CDC14A: variants seen among roughly 807,000 people sequenced by gnomAD.
CDC14A encodes dual specificity protein phosphatase CDC14A.
CDC14A carries 53 observed loss-of-function variants against 74.4 expected under a neutral mutation model. That is an observed-to-expected ratio of 0.71 (90% CI 0.57 to 0.89). The LOEUF (loss-of-function observed/expected upper bound fraction) is 0.89. Among genes scored for constraint, CDC14A ranks in the 40% least tolerant of loss-of-function variants. The pLI is 0.00. For synonymous variants in CDC14A, 247 were observed against 258.4 expected (o/e 0.96, Z 0.43); for missense variants, 646 against 713.7 (o/e 0.91, Z 1.08).
At chr1:100,482,898 C>T (rs1481318059) in intron 10 of CDC14A, among the ~76,000 whole-genome samples, 1 of 152,076 alleles carries the variant, frequency 6.6e-6, no homozygotes, top group African/African-American at 2.4e-5. Context: ...GAGGCTCCAT[C>T]CGTGTTCCCA....
rs1322794854 is a variant in CDC14A, at chr1:100,389,355, G to A, written c.217-1377G>A. Among the ~76,000 whole-genome samples, 2 of 151,512 alleles carry A rather than the reference G, an allele frequency of 1.3e-5. 1 individual carries two copies. Among genetic ancestry groups the A allele is most frequent in the Non-Finnish European group, 2.9e-5 (2 of 67,908 alleles). ...TGCCTGTAGTCCCAGCTGCATGGGA[G>A]GCAAGAGAATGGCTTGAACCTGGGA... On this transcript the variant is annotated intron_variant, in intron 3 of 15. Transcript: ENST00000336454.
chr1:100,392,569 T>TATG (rs1158209166), intron 4 of CDC14A, among the ~76,000 whole-genome samples: 5 of 152,166 alleles, frequency 3.3e-5, no homozygotes, highest in African/African-American at 1.2e-4. Flanking sequence ...AGCAGTTATC[T>TATG]ATGATGATGA....
At chr1:100,378,571 A>C (rs1453151904) in intron 3 of CDC14A, among the ~76,000 whole-genome samples, 1 of 152,194 alleles carries the variant, frequency 6.6e-6, no homozygotes. Context: ...CTGATAGAGA[A>C]TTTCCTGTAG....
intron 6 of CDC14A, among the ~76,000 whole-genome samples, chr1:100,442,214 C>G (rs1020532795): frequency 6.7e-6 from 1 of 148,776 alleles, no homozygotes; most frequent in Non-Finnish European, 1.5e-5. Context: ...CAGAAACTAT[C>G]TCATGAAACA....
At chr1:100,509,642 A>C (rs1009414751) in intron 15 of CDC14A, among the ~76,000 whole-genome samples, 1 of 152,268 alleles carries the variant, frequency 6.6e-6, no homozygotes, top group Admixed American at 6.5e-5. Context: ...ATGTGCATGC[A>C]TGTGCAAAGA....
Position 100,433,757 on chromosome 1 carries a change from TTCA to T in CDC14A, c.390-6173_390-6171del, listed in dbSNP as rs1395862673. ...CCATTATTAATATTTATAAGGTTGC[TTCA>T]TTCTGAGTGATTTCTTAGATTCTCA... On this transcript the variant is annotated intron_variant, in intron 5 of 15. Transcript: ENST00000336454. Among the ~76,000 whole-genome samples the T allele has an allele frequency of 2.0e-5, 3 of 152,342 alleles. No individual in the cohort carries two copies. The East Asian group carries it at 5.8e-4, about 29-fold the overall frequency.
chr1:100,435,736 A>G (rs1419376505), intron 5 of CDC14A, among the ~76,000 whole-genome samples: 1 of 151,214 alleles, frequency 6.6e-6, no homozygotes, highest in Non-Finnish European at 1.5e-5. Context: ...GGGTGAGGCA[A>G]TCGCTTGAAC....
intron 2 of CDC14A, among the ~76,000 whole-genome samples, chr1:100,375,881 A>T (rs1261701002): frequency 6.6e-6 from 1 of 152,222 alleles, no homozygotes; most frequent in Non-Finnish European, 1.5e-5. Context: ...CACAATAGCA[A>T]AGACTTGGAA....
intron 15 of CDC14A, among the ~76,000 whole-genome samples, chr1:100,513,956 G>T (rs1649991470): frequency 6.6e-6 from 1 of 152,046 alleles, no homozygotes; most frequent in South Asian, 2.1e-4. Flanking sequence ...TTATTTTTCA[G>T]GTTGAATATT....
intron 7 of CDC14A, chr1:100,443,221 A>T (rs1005572275): frequency 7.9e-6 from 3 of 379,632 alleles, no homozygotes; most frequent in African/African-American, 2.1e-5. Context: ...TCTCTCATTT[A>T]TATACAATCA....
upstream of CDC14A, among the ~76,000 whole-genome samples, chr1:100,350,237 G>A (rs1165895343): frequency 2.6e-5 from 4 of 152,182 alleles, no homozygotes; most frequent in Non-Finnish European, 5.9e-5. Flanking sequence ...TTACAGGCAT[G>A]AGCCACCGCG....
At chr1:100,377,481 C>A in intron 2 of CDC14A, 65 bp from the exon 3 acceptor site, 2 of 995,732 alleles carry the variant, frequency 2.0e-6, no homozygotes, top group Non-Finnish European at 1.6e-6. Flanking sequence ...TAAAGATGAA[C>A]ATTGATGTTA....
intron 15 of CDC14A, among the ~76,000 whole-genome samples, chr1:100,516,752 C>A (rs561111459): frequency 6.6e-6 from 1 of 152,224 alleles, no homozygotes; most frequent in African/African-American, 2.4e-5. Context: ...GGCTTTTGAC[C>A]AACTTCACTG....
At chr1:100,393,954 C>CAA (rs377483612) in intron 4 of CDC14A, 5,086 of 202,422 alleles carry the variant, frequency 0.025, 64 homozygotes, top group African/African-American at 0.033. Context: ...CTCCCCACCG[C>CAA]AAAAAAAAAT....
chr1:100,350,628 T>C (rs1358866663), upstream of CDC14A, among the ~76,000 whole-genome samples: 2 of 152,078 alleles, frequency 1.3e-5, no homozygotes, highest in Admixed American at 6.5e-5. Context: ...AAAGTGTAGA[T>C]TGGAGTTCAT....
chr1:100,452,208 T>C (rs1036698277), intron 7 of CDC14A, among the ~76,000 whole-genome samples: 6 of 152,176 alleles, frequency 3.9e-5, no homozygotes, highest in African/African-American at 1.4e-4. Context: ...CACAAATGCA[T>C]TTCTTAGAAA....
chr1:100,513,150 A>G (rs116099186), intron 15 of CDC14A, among the ~76,000 whole-genome samples: 2,500 of 152,312 alleles, frequency 0.016, 64 homozygotes, highest in African/African-American at 0.057. Context: ...GAGCAATACA[A>G]AAACTGGAAA....
chr1:100,440,442 T>C (rs1421344097), intron 6 of CDC14A, among the ~76,000 whole-genome samples: 1 of 152,148 alleles, frequency 6.6e-6, no homozygotes, highest in Non-Finnish European at 1.5e-5. Context: ...TCCAGGTGAT[T>C]TGATGCACTC....
chr1:100,407,686 C>G (rs7527622), intron 4 of CDC14A, among the ~76,000 whole-genome samples: 13,490 of 152,094 alleles, frequency 0.089, 2,067 homozygotes, highest in African/African-American at 0.31. Context: ...ATTTGAATAC[C>G]CTTTATTTCT....
Sources: allele counts gnomAD v4.1 joint callset (sites outside exome capture counted in the v4.1 genomes callset), GRCh38; gene constraint gnomAD v4.1.1; transcripts MANE v1.5; gene names NCBI Gene and HGNC (gene_info 2026-07-23, HGNC 2026-07-21).